The following CHODL variants were observed in gnomAD, a reference collection of about 807,000 sequenced individuals.
The protein encoded by CHODL is chondrolectin.
In CHODL, 29 loss-of-function variants were observed where a neutral mutation model predicts 34.5. That is an observed-to-expected ratio of 0.84 (90% CI 0.63 to 1.15). The LOEUF is 1.15. Among genes scored for constraint, CHODL ranks in the 50% most tolerant of loss-of-function variants. CHODL has a pLI of 0.00. For synonymous variants in CHODL, 125 were observed against 116.1 expected, an observed-to-expected ratio of 1.08 and a Z score of -0.49; for missense variants, 332 against 332.5, an observed-to-expected ratio of 1.00 and a Z score of 0.01.
chr21:18,038,313 A>T (rs2064334908), intron 2 of CHODL, among the ~76,000 whole-genome samples: 1 of 151,742 alleles, frequency 6.6e-6, no homozygotes, highest in African/African-American at 2.4e-5. Flanking sequence ...TTCCACATGT[A>T]AATCAAACAA....
At chr21:18,176,468 A>C (rs2073314467) in intron 2 of CHODL, among the ~76,000 whole-genome samples, 1 of 152,176 alleles carries the variant, frequency 6.6e-6, no homozygotes, top group African/African-American at 2.4e-5. Context: ...AACACATATA[A>C]ATGAACTTCA....
chr21:18,004,502 C>T (rs373079997), intron 1 of CHODL, among the ~76,000 whole-genome samples: 2 of 152,162 alleles, frequency 1.3e-5, no homozygotes, highest in Non-Finnish European at 2.9e-5. Context: ...AATACGTACC[C>T]GTGGCTTTTA....
intron 1 of CHODL, among the ~76,000 whole-genome samples, chr21:17,920,737 G>A (rs545104300): frequency 6.6e-6 from 1 of 152,336 alleles, no homozygotes; most frequent in African/African-American, 2.4e-5. Context: ...AGTCAGTAGA[G>A]AGTGAGATCT....
At chr21:17,988,875 T>C (rs1391854467) in intron 1 of CHODL, among the ~76,000 whole-genome samples, 4 of 152,046 alleles carry the variant, frequency 2.6e-5, no homozygotes, top group African/African-American at 7.2e-5. Context: ...GCATGTGTCT[T>C]TATAGCAGCA....
chr21:18,030,205 G>A (rs180902768), intron 2 of CHODL, among the ~76,000 whole-genome samples: 1 of 152,248 alleles, frequency 6.6e-6, no homozygotes, highest in Non-Finnish European at 1.5e-5. Context: ...TTCTGTCATC[G>A]GTGTACGCAT....
At chr21:18,137,996 A>C (rs990575296) in intron 2 of CHODL, among the ~76,000 whole-genome samples, 6 of 152,136 alleles carry the variant, frequency 3.9e-5, no homozygotes, top group Admixed American at 2.6e-4. Flanking sequence ...ACCAAAAAAA[A>C]CCTCCAAAAA....
chr21:18,007,915 CTG>C (rs905056760), intron 1 of CHODL, among the ~76,000 whole-genome samples: 67 of 152,130 alleles, frequency 4.4e-4, no homozygotes, highest in Admixed American at 2.2e-3. Flanking sequence ...CAGTTGAAAA[CTG>C]AGTGAGAAAA....
At chr21:18,010,772 T>A (rs2064011819) in intron 1 of CHODL, among the ~76,000 whole-genome samples, 2 of 152,266 alleles carry the variant, frequency 1.3e-5, no homozygotes, top group South Asian at 4.1e-4. Context: ...CTGAAATTTC[T>A]GCAATTTTCC....
At chr21:18,028,273 T>TCC (rs1189950541) in intron 2 of CHODL, among the ~76,000 whole-genome samples, 7,903 of 67,084 alleles carry the variant, frequency 0.12, 784 homozygotes, top group African/African-American at 0.21. Context: ...TCTTTTTCCT[T>TCC]TTCCCCTTCC....
Position 18,248,198 on chromosome 21 carries a change from CTCT to C in CHODL, c.79+2901_79+2903del, listed in dbSNP as rs553023094. On this transcript the variant is annotated intron_variant, in intron 1 of 5. Coordinates refer to ENST00000299295, the MANE Select transcript of CHODL (RefSeq NM_024944.3). ...AGGAGACTGGGTGATTTAGAGGCCT[CTCT>C]TCTTATCCTGTGGATACCATAGAAT... is the stretch of plus-strand genomic sequence containing the variant. Among the ~76,000 whole-genome samples, 16 of 151,910 alleles carry C rather than the reference CTCT, an allele frequency of 1.1e-4. No homozygotes were observed. In the South Asian group the frequency reaches 3.3e-3, roughly 32 times the overall value.
chr21:17,930,123 G>A (rs934126842), intron 1 of CHODL, among the ~76,000 whole-genome samples: 2 of 151,742 alleles, frequency 1.3e-5, no homozygotes, highest in African/African-American at 4.8e-5. Context: ...GAGGGAGTGG[G>A]AAGACAGGAC....
intron 1 of CHODL, among the ~76,000 whole-genome samples, chr21:17,950,766 G>C (rs2063450747): frequency 6.6e-6 from 1 of 152,036 alleles, no homozygotes; most frequent in Admixed American, 6.6e-5. Flanking sequence ...CATAAAACTG[G>C]AAGAGCCCCA....
chr21:17,941,592 T>G (rs1162256636), intron 1 of CHODL, among the ~76,000 whole-genome samples: 2 of 151,996 alleles, frequency 1.3e-5, no homozygotes, highest in Non-Finnish European at 2.9e-5. Flanking sequence ...TCTTATCAAA[T>G]CTCCACTTAT....
chr21:18,251,251 A>T (rs1426859935), intron 1 of CHODL, among the ~76,000 whole-genome samples: 1 of 150,540 alleles, frequency 6.6e-6, no homozygotes, highest in Non-Finnish European at 1.5e-5. Flanking sequence ...AGAGTGATGA[A>T]ATCTTTGTTG....
chr21:18,237,994 A>G (rs2074045182), intron 2 of CHODL, among the ~76,000 whole-genome samples: 1 of 152,124 alleles, frequency 6.6e-6, no homozygotes, highest in Non-Finnish European at 1.5e-5. Flanking sequence ...GCAGTCATAG[A>G]AAAAACTGGG....
chr21:18,136,763 T>A (rs184782130), intron 2 of CHODL, among the ~76,000 whole-genome samples: 684 of 142,258 alleles, frequency 4.8e-3, no homozygotes, highest in Non-Finnish European at 7.7e-3. Flanking sequence ...TGTATACACA[T>A]ACATACACAC....
intron 1 of CHODL, among the ~76,000 whole-genome samples, chr21:17,954,687 C>CAG (rs2063483563): frequency 7.5e-6 from 1 of 133,944 alleles, no homozygotes; most frequent in African/African-American, 2.5e-5. Context: ...TCTCAGGCTT[C>CAG]AGACTCAGGC....
chr21:18,184,938 G>A (rs1419049722), intron 2 of CHODL, among the ~76,000 whole-genome samples: 1 of 152,172 alleles, frequency 6.6e-6, no homozygotes, highest in Non-Finnish European at 1.5e-5. Context: ...ACTACTCACA[G>A]CCTCTTTTCT....
chr21:18,152,592 C>A (rs927310861), intron 2 of CHODL, among the ~76,000 whole-genome samples: 5 of 152,174 alleles, frequency 3.3e-5, no homozygotes, highest in African/African-American at 1.2e-4. Flanking sequence ...TCTTAGAGGC[C>A]TTTTTCAGAT....
Sources: allele counts gnomAD v4.1 joint callset (sites outside exome capture counted in the v4.1 genomes callset), GRCh38; gene constraint gnomAD v4.1.1; transcripts MANE v1.5; gene names NCBI Gene and HGNC (gene_info 2026-07-23, HGNC 2026-07-21).